Variants in POLR1C observed in about 807,000 individuals in gnomAD.
POLR1C encodes RNA polymerase I and III subunit C.
In POLR1C, 42 loss-of-function variants were observed where a neutral mutation model predicts 38.3. The ratio of observed to expected loss-of-function variants is 1.10; its 90% CI spans 0.86 to 1.42. POLR1C has a LOEUF of 1.42. Among genes scored for constraint, POLR1C ranks in the 40% most tolerant of loss-of-function variants. The pLI, the probability that POLR1C is intolerant of heterozygous loss-of-function variation, is 0.00. For missense variants in POLR1C, 507 were observed against 450.5 expected (o/e 1.13, Z -1.14); for synonymous variants, 163 against 163.9 (o/e 0.99, Z 0.04).
chr6:43,526,690 C>T, intron 8 of POLR1C: 3 of 1,613,936 alleles, frequency 1.9e-6, no homozygotes, highest in Non-Finnish European at 2.5e-6. Flanking sequence ...CTTACCGTCT[C>T]CATCTGCTGG....
downstream of POLR1C, chr6:43,523,442 G>A: frequency 2.9e-6 from 1 of 339,636 alleles, no homozygotes; most frequent in East Asian, 7.7e-5. Context: ...TGGTCCAAGA[G>A]AAACTCTGGC....
At position 43,539,459 on chromosome 6, in the gene POLR1C, T is replaced by C. The variant is rs201134741; in HGVS notation, c.*4+10100T>C. ...TTCCTTAATGGGCAGGGAGAAGAGA[T>C]AGATCTCCTCCAGGGACTTGATCTT... On this transcript the variant is annotated intron_variant, in intron 9 of 10. Transcript: ENST00000607635. 991 of 1,574,422 alleles carry C rather than the reference T, an allele frequency of 6.3e-4. 10 individuals are homozygous for C. The East Asian group carries it at 0.017, about 27-fold the overall frequency.
In POLR1C at chr6:43,527,815, T is replaced by G; in HGVS notation, c.923-1434T>G. The G allele has an allele frequency of 3.5e-6, 5 of 1,445,028 alleles. 1 individual carries two copies. In the South Asian group the frequency reaches 5.9e-5, roughly 17 times the overall value. 89.5% of individuals were successfully genotyped at this position (1,445,028 alleles called of 1,614,324 possible). On this transcript the variant is annotated intron_variant, in intron 8 of 8. Coordinates refer to the POLR1C transcript ENST00000304004. ...GCAGCGACCCTAATCAGACTCTCTC[T>G]GACCACTTTCTTCTCCTTTGGGTCT...
chr6:43,560,891 A>T (rs1439754295), intron 10 of POLR1C: 1 of 1,564,394 alleles, frequency 6.4e-7, no homozygotes. Flanking sequence ...TCACCTAACT[A>T]AACTTTTGAG....
At chr6:43,545,333 T>TCAC (rs1794909949) in intron 9 of POLR1C, among the ~76,000 whole-genome samples, 1 of 152,182 alleles carries the variant, frequency 6.6e-6, no homozygotes, top group Admixed American at 6.5e-5. Context: ...ATAATTTGGT[T>TCAC]TGCCCCGTTG....
At chr6:43,523,583 C>G, downstream of POLR1C, 1 of 607,864 alleles carries the variant, frequency 1.6e-6, no homozygotes, top group Non-Finnish European at 3.2e-6. Context: ...AGAAGGGCTG[C>G]TCTGCTCTAG....
chr6:43,529,931 C>T (rs975377587), downstream of POLR1C, among the ~76,000 whole-genome samples: 1 of 134,188 alleles, frequency 7.5e-6, no homozygotes, highest in Non-Finnish European at 1.6e-5. Context: ...AAAAAAAGTG[C>T]TTCTAAAAAT....
At chr6:43,525,802 G>A (rs1213686616), downstream of POLR1C, 1 of 1,603,586 alleles carries the variant, frequency 6.2e-7, no homozygotes, top group Non-Finnish European at 8.5e-7. Context: ...CCCCACCTGG[G>A]CAAGGAGTAA....
intron 2 of POLR1C, chr6:43,519,110 G>GA: frequency 1.7e-6 from 1 of 587,492 alleles, no homozygotes; most frequent in Non-Finnish European, 3.0e-6. Context: ...GGTTTGGTTG[G>GA]AAGCCATATT....
chr6:43,549,659 G>A, intron 9 of POLR1C: 1 of 1,473,042 alleles, frequency 6.8e-7, no homozygotes, highest in East Asian at 2.3e-5. Flanking sequence ...GAATATCTCA[G>A]TCAGGGGCAA....
intron 9 of POLR1C, chr6:43,550,001 G>A: frequency 6.5e-7 from 1 of 1,529,552 alleles, no homozygotes; most frequent in Non-Finnish European, 9.0e-7. Flanking sequence ...TTGCTATGTT[G>A]CCCAGACTAG....
chr6:43,550,598 G>T (rs530047273), intron 9 of POLR1C, among the ~76,000 whole-genome samples: 1 of 152,220 alleles, frequency 6.6e-6, no homozygotes, highest in Admixed American at 6.5e-5. Flanking sequence ...ACTTTTAGTC[G>T]TGGGACTACT....
chr6:43,520,828 A>G (rs1423788936), intron 7 of POLR1C, 54 bp downstream of exon 7: 2 of 1,606,326 alleles, frequency 1.2e-6, no homozygotes, highest in Non-Finnish European at 1.7e-6. Flanking sequence ...TTTTCTTTCA[A>G]GGTGACAGAA....
intron 10 of POLR1C, chr6:43,556,036 A>T: frequency 6.3e-7 from 1 of 1,575,238 alleles, no homozygotes; most frequent in Non-Finnish European, 8.6e-7. Flanking sequence ...AATGTTTATT[A>T]ATTTACCACC....
At chr6:43,533,273 G>A (rs929432175), downstream of POLR1C, 1 of 145,342 alleles carries the variant, frequency 6.9e-6, no homozygotes, top group Admixed American at 6.9e-5. Context: ...CGAGGAGGCA[G>A]GAAAGTATAC....
chr6:43,531,602 T>C (rs775990701), downstream of POLR1C: 8 of 1,586,958 alleles, frequency 5.0e-6, no homozygotes, highest in Admixed American at 1.2e-4. Flanking sequence ...GTCAAGAACA[T>C]GATGCTCCAC....
chr6:43,559,833 G>A (rs1762312220), intron 10 of POLR1C, among the ~76,000 whole-genome samples: 1 of 152,024 alleles, frequency 6.6e-6, no homozygotes, highest in Non-Finnish European at 1.5e-5. Flanking sequence ...TGTTTCCCCC[G>A]AGACAGGGTC....
At chr6:43,539,116 G>A (rs1794530710) in intron 9 of POLR1C, 2 of 1,235,180 alleles carry the variant, frequency 1.6e-6, no homozygotes, top group Non-Finnish European at 2.3e-6. Context: ...TGGGTGCAGG[G>A]ATGAGGCGCA....
chr6:43,531,527 G>T (rs765777749), downstream of POLR1C: 12 of 1,613,844 alleles, frequency 7.4e-6, no homozygotes, highest in African/African-American at 1.3e-5. Context: ...TTCCAAGACG[G>T]TTTTGAAGAC....
Sources: gnomAD v4.1 joint callset for allele counts (sites outside exome capture counted in the v4.1 genomes callset) on GRCh38, gnomAD v4.1.1 for gene constraint, MANE v1.5 for transcripts, NCBI Gene and HGNC (gene_info 2026-07-23, HGNC 2026-07-21) for gene names.